LPCAT3: variants seen among roughly 807,000 people sequenced by gnomAD.
LPCAT3 encodes lysophospholipid acyltransferase 5.
LPCAT3 carries 21 observed loss-of-function variants against 63.4 expected under a neutral mutation model. That is an observed-to-expected ratio of 0.33 (90% CI 0.23 to 0.48). The LOEUF (loss-of-function observed/expected upper bound fraction) is 0.48. LPCAT3 is among the 20% of genes least tolerant of loss of function. The probability of loss-of-function intolerance (pLI) is 0.99; values close to 1 mark genes in which losing one functional copy is unlikely to be tolerated. For synonymous variants in LPCAT3, 242 were observed against 227.5 expected (o/e 1.06, Z -0.58); for missense variants, 451 against 590.6 (o/e 0.76, Z 2.45).
chr12:7,010,941 G>A (rs781938967), intron 1 of LPCAT3, among the ~76,000 whole-genome samples: 1 of 152,058 alleles, frequency 6.6e-6, no homozygotes, highest in African/African-American at 2.4e-5. Flanking sequence ...GGGCTCAAAT[G>A]ATCCTCCCAC....
intron 1 of LPCAT3, among the ~76,000 whole-genome samples, chr12:7,012,092 G>C (rs1377421225): frequency 1.3e-5 from 2 of 152,188 alleles, no homozygotes; most frequent in Admixed American, 1.3e-4. Context: ...ACCTCTGAGG[G>C]ATGAATTGTT....
At chr12:6,982,608 C>G in intron 3 of LPCAT3, 68 bp downstream of exon 3, 1 of 1,181,318 alleles carries the variant, frequency 8.5e-7, no homozygotes. Context: ...TACCACAGTC[C>G]CCTGCCTACC....
rs1180968031 is a variant in LPCAT3 at position 7,018,253 on chromosome 12, G to A, written c.151+21C>T. 2.5e-6 allele frequency: 4 copies of A among 1,584,054 alleles called. No individual in the cohort carries two copies. The Admixed American group carries it at 7.3e-5, about 29-fold the overall frequency. ...CCCCGGGGACTCCGCGAGGGGCGGA[G>A]GGAGGCAGGAGGGTCCTTACCCAGG... On this transcript the variant is annotated intron_variant, in intron 1 of 12. Transcript: ENST00000261407. This position sits in a 1 kb window ranked among gnomAD's most constrained non-coding sequence, Gnocchi z 4.9.
In LPCAT3 at chr12:6,977,799, G is replaced by C. The variant is rs1042600357; in HGVS notation, c.1041-54C>G. On this transcript the variant is annotated intron_variant, in intron 9 of 12. Coordinates refer to ENST00000261407, the MANE Select transcript of LPCAT3 (RefSeq NM_005768.6). The surrounding 1 kb of genome is among the most constrained non-coding windows in gnomAD (Gnocchi z 4.5). ...TCAAACTGACTGGTCCTTGCATCCC[G>C]CCACCTGCCTCTGGGTCCTCACCCT... 4 of 1,602,938 alleles carry C rather than the reference G, an allele frequency of 2.5e-6. No individual in the cohort carries two copies. The highest frequency in any genetic ancestry group is 3.4e-6 in the Non-Finnish European group (4 of 1,172,544).
rs1946802100 is a variant in LPCAT3 at position 7,017,165 on chromosome 12, C to T, written c.151+1109G>A. ...TCAGACCTCTAACCCTCTGCTCTAG[C>T]CCCAGTCCTGTTTCCTTATCACCAC... is the stretch of plus-strand genomic sequence containing the variant. On this transcript the variant is annotated intron_variant, in intron 1 of 12. Transcript: ENST00000261407. The surrounding 1 kb of genome is among the most constrained non-coding windows in gnomAD (Gnocchi z 4.1). Among the ~76,000 whole-genome samples, 1 of 152,200 alleles carries T rather than the reference C, an allele frequency of 6.6e-6. No individual in the cohort carries two copies. Among genetic ancestry groups the T allele is most frequent in the Non-Finnish European group, 1.5e-5 (1 of 68,030 alleles).
rs781835863 is a variant in LPCAT3 at position 6,995,473 on chromosome 12, C to CA, written c.152-11935dup. ...TGGGCAACAGAGCCAGACTCCGTCTCAAAAAAAAAAAAAAAGTGTTTTCCT... is the reference window on the plus strand; with the variant it reads ...TGGGCAACAGAGCCAGACTCCGTCTCAAAAAAAAAAAAAAAAGTGTTTTCCT... On this transcript the variant is annotated intron_variant, in intron 1 of 12. Coordinates refer to ENST00000261407, the MANE Select transcript of LPCAT3 (RefSeq NM_005768.6). Among the ~76,000 whole-genome samples, 518 of 126,290 alleles carry CA rather than the reference C, an allele frequency of 4.1e-3. 1 individual carries two copies. Among genetic ancestry groups the CA allele is most frequent in the East Asian group, 0.021 (92 of 4,434 alleles). 82.9% of individuals were successfully genotyped at this position (126,290 alleles called of 152,430 possible).
chr12:7,006,978 C>A (rs1164388115), intron 1 of LPCAT3, among the ~76,000 whole-genome samples: 1 of 152,190 alleles, frequency 6.6e-6, no homozygotes, highest in Admixed American at 6.5e-5. Flanking sequence ...GGAACTTTAA[C>A]CTTCTGGGAT....
At chr12:6,984,482 G>A (rs1946502478) in intron 1 of LPCAT3, among the ~76,000 whole-genome samples, 3 of 152,368 alleles carry the variant, frequency 2.0e-5, no homozygotes, top group East Asian at 1.9e-4. Flanking sequence ...CATATGTGGA[G>A]GATGGGGATC....
intron 1 of LPCAT3, among the ~76,000 whole-genome samples, chr12:6,994,409 T>C (rs992158244): frequency 6.6e-6 from 1 of 152,182 alleles, no homozygotes; most frequent in Admixed American, 6.5e-5. Context: ...GGTTTCTCCA[T>C]GTTGGCCAGG....
At chr12:7,005,888 C>T (rs1565605570) in intron 1 of LPCAT3, among the ~76,000 whole-genome samples, 1 of 152,100 alleles carries the variant, frequency 6.6e-6, no homozygotes, top group African/African-American at 2.4e-5. Flanking sequence ...TTGATAGTAT[C>T]CTTTGGTGCA....
chr12:6,979,252 A>G, intron 7 of LPCAT3: 2 of 575,152 alleles, frequency 3.5e-6, no homozygotes, highest in Non-Finnish European at 6.2e-6. Flanking sequence ...CGGGTGCTAA[A>G]TGTGCACCTG....
intron 3 of LPCAT3, 86 bp from the exon 4 acceptor site, chr12:6,981,990 T>C (rs1946476282): frequency 1.3e-6 from 1 of 766,846 alleles, no homozygotes; most frequent in African/African-American, 1.7e-5. Flanking sequence ...CCTTTTTCCT[T>C]TCTCCTCATC....
At chr12:6,986,834 G>T (rs1946531511) in intron 1 of LPCAT3, among the ~76,000 whole-genome samples, 1 of 151,174 alleles carries the variant, frequency 6.6e-6, no homozygotes, top group African/African-American at 2.4e-5. Context: ...ACACCTGTCG[G>T]CCGGGTGCGG....
At chr12:7,004,411 G>A (rs1946712308) in intron 1 of LPCAT3, among the ~76,000 whole-genome samples, 1 of 152,128 alleles carries the variant, frequency 6.6e-6, no homozygotes, top group Non-Finnish European at 1.5e-5. Context: ...TGATGAGTAG[G>A]TATCCTTATC....
chr12:7,005,930 T>C (rs1946722387), intron 1 of LPCAT3, among the ~76,000 whole-genome samples: 1 of 152,222 alleles, frequency 6.6e-6, no homozygotes, highest in Non-Finnish European at 1.5e-5. Flanking sequence ...AAGTCCAATT[T>C]ATCACTGATC....
Position 6,979,486 on chromosome 12 carries a change from G to A in LPCAT3, c.771C>T (p.Leu257=). 1 of 1,612,324 alleles carries A rather than the reference G, an allele frequency of 6.2e-7. No homozygotes were observed. Among genetic ancestry groups the A allele is most frequent in the East Asian group, 2.2e-5 (1 of 44,870 alleles). Residue 257 remains leucine (L), a synonymous_variant, in exon 7 of 13, where the codon CTC becomes CTT. Transcript: ENST00000261407. ...AGACACTCACGTCATAGTCTTCAGTGAGGAGATAGTCTTCTGTGATGTGGG... is the reference window on the plus strand; with the variant it reads ...AGACACTCACGTCATAGTCTTCAGTAAGGAGATAGTCTTCTGTGATGTGGG... ...LSPHITEDYL[L]TEDYDNHPFW...
At chr12:6,985,898 C>T (rs1946521052) in intron 1 of LPCAT3, among the ~76,000 whole-genome samples, 2 of 151,694 alleles carry the variant, frequency 1.3e-5, no homozygotes, top group South Asian at 4.2e-4. Flanking sequence ...CTTCAGCCTC[C>T]CAAGTAGCTG....
rs148448630 is a variant in LPCAT3, at chr12:7,007,065, C to T, written c.151+11209G>A. ...ATAGCAAATTCTTTTTTTTTTGAGA[C>T]GGAGTTTTTGCTCTTGTTGCCCAGG... On this transcript the variant is annotated intron_variant, in intron 1 of 12. Transcript: ENST00000261407. Among the ~76,000 whole-genome samples the T allele has an allele frequency of 3.6e-3, 544 of 151,740 alleles. 3 individuals carry two copies. Among genetic ancestry groups the T allele is most frequent in the African/African-American group, 0.012 (497 of 41,382 alleles).
At position 6,987,959 on chromosome 12, in the gene LPCAT3, C is replaced by G. The variant is rs1479209712; in HGVS notation, c.152-4420G>C. On this transcript the variant is annotated intron_variant, in intron 1 of 12. Transcript: ENST00000261407. The surrounding 1 kb of genome is among the most constrained non-coding windows in gnomAD (Gnocchi z 4.1). ...TTGCTACTCTGGGATCAACAGTCAC[C>G]TCTTGAACTTTTGGGGTGCTTGGCA... 1.8e-5 allele frequency: 7 copies of G among 397,718 alleles called. No individual in the cohort carries two copies. The highest frequency in any genetic ancestry group is 1.3e-5 in the Non-Finnish European group (3 of 224,924). The allele number at this position is 397,718 out of a possible 1,614,324, so 24.6% of individuals were successfully genotyped here.
Sources: gnomAD v4.1 joint callset for allele counts (sites outside exome capture counted in the v4.1 genomes callset) on GRCh38, gnomAD v4.1.1 for gene constraint, Gnocchi (gnomAD v3.1) non-coding constraint, MANE v1.5 for transcripts, NCBI Gene and HGNC (gene_info 2026-07-23, HGNC 2026-07-21) for gene names.